The following MKX variants were observed in gnomAD, a reference collection of about 807,000 sequenced individuals.
The protein encoded by MKX is mohawk homeobox, also known as homeobox protein Mohawk.
Under a neutral mutation model 36.0 loss-of-function variants are expected in MKX, and 13 were observed. The observed-to-expected ratio is 0.36, with a 90% CI of 0.24 to 0.57. MKX has a LOEUF of 0.57. Ranked by LOEUF, MKX falls within the 20% of genes least tolerant of loss-of-function variation. The pLI is 0.79. For missense variants in MKX, 458 were observed against 456.4 expected, an observed-to-expected ratio of 1.00 and a Z score of -0.03; for synonymous variants, 176 against 178.3, an observed-to-expected ratio of 0.99 and a Z score of 0.10.
chr10:27,722,044 T>G (rs1227629622), intron 5 of MKX, among the ~76,000 whole-genome samples: 1 of 152,172 alleles, frequency 6.6e-6, no homozygotes, highest in Non-Finnish European at 1.5e-5. Flanking sequence ...ATATAACATG[T>G]ACTTAAAATA....
intron 5 of MKX, among the ~76,000 whole-genome samples, chr10:27,708,657 G>T (rs1050201642): frequency 1.3e-5 from 2 of 151,612 alleles, no homozygotes; most frequent in African/African-American, 4.9e-5. Context: ...TGAACCGGGA[G>T]GCAGAGGTTG....
chr10:27,732,559 T>C (rs1225751500), intron 5 of MKX, among the ~76,000 whole-genome samples: 1 of 152,168 alleles, frequency 6.6e-6, no homozygotes, highest in Admixed American at 6.5e-5. Flanking sequence ...TAATTTATTA[T>C]TGTTTTAAAA....
At chr10:27,700,447 G>A (rs1412892738) in intron 5 of MKX, among the ~76,000 whole-genome samples, 4 of 152,018 alleles carry the variant, frequency 2.6e-5, no homozygotes, top group South Asian at 2.1e-4. Flanking sequence ...TTACACTATC[G>A]GTAAAAATCA....
Position 27,734,723 on chromosome 10 carries a change from T to A in MKX, c.571A>T (p.Ile191Phe). 1 of 1,614,162 alleles carries A rather than the reference T, an allele frequency of 6.2e-7. No individual in the cohort carries two copies. Among genetic ancestry groups the A allele is most frequent in the Admixed American group, 1.7e-5 (1 of 60,006 alleles). The change falls in exon 5 of 7, where the codon ATT becomes TTT. Residue 191 changes from isoleucine to phenylalanine, a missense_variant. Ile to Phe is a conservative substitution (Grantham distance 21). Transcript: ENST00000419761. ...GYNTPVHHPV[I>F]KSENSVIKAG... Reference sequence around the variant, plus strand: ...TTGATGACCGAATTCTCACTTTTAATCACAGGATGGTGAACTGGGGTATTA... The same window carrying A: ...TTGATGACCGAATTCTCACTTTTAAACACAGGATGGTGAACTGGGGTATTA...
At chr10:27,681,418 C>A (rs1467134831) in intron 5 of MKX, among the ~76,000 whole-genome samples, 1 of 152,100 alleles carries the variant, frequency 6.6e-6, no homozygotes, top group Admixed American at 6.5e-5. Context: ...CATTGCACTC[C>A]AGCCTGGTGA....
chr10:27,676,858 G>T (rs1836162226), intron 5 of MKX, among the ~76,000 whole-genome samples: 1 of 152,172 alleles, frequency 6.6e-6, no homozygotes, highest in Admixed American at 6.5e-5. Flanking sequence ...GGAAATGAAA[G>T]TTAGGATGCT....
rs11015942 is a variant in MKX, at chr10:27,682,543, T to G, written c.839-6989A>C. On this transcript the variant is annotated intron_variant, in intron 5 of 6. Transcript: ENST00000419761. ...CCTTACACAAGTGCATCATTTTTTA[T>G]TTTTTACTAGCGGTCCTCAACCTTT... Among the ~76,000 whole-genome samples the G allele has an allele frequency of 0.025, 3,867 of 152,266 alleles. 290 individuals are homozygous for G. In the East Asian group the frequency reaches 0.26, roughly 10 times the overall value.
At chr10:27,710,679 G>A (rs1836835228) in intron 5 of MKX, among the ~76,000 whole-genome samples, 1 of 152,064 alleles carries the variant, frequency 6.6e-6, no homozygotes, top group African/African-American at 2.4e-5. Flanking sequence ...GATTGATTGA[G>A]ATAAAGTCTT....
intron 5 of MKX, among the ~76,000 whole-genome samples, chr10:27,691,741 T>G (rs1407563424): frequency 6.6e-6 from 1 of 152,194 alleles, no homozygotes; most frequent in Non-Finnish European, 1.5e-5. Flanking sequence ...TGCTTATGGT[T>G]TCCTTCTTTG....
rs1834893854 is a variant in MKX at position 27,741,475 on chromosome 10, T to C, written c.218A>G (p.His73Arg). Residue 73 changes from histidine (H) to arginine (R), a missense_variant, in exon 3 of 7, where the codon CAC becomes CGC. His to Arg is a conservative substitution (Grantham distance 29). Coordinates refer to ENST00000419761, the MANE Select transcript of MKX (RefSeq NM_173576.3). This position sits in a 1 kb window ranked among gnomAD's most constrained non-coding sequence, Gnocchi z 5.1. The stretch of plus-strand genomic sequence containing the variant: ...CATGTCTTGCAGGGCCTGCCGCTTG[T>C]GCCTCACCTTCCCGCCATTCTGCCG... The part of the protein sequence containing the change: ...GARQNGGKVR[H>R]KRQALQDMAR... 5 of 1,600,808 alleles carry C rather than the reference T, an allele frequency of 3.1e-6. No individual in the cohort carries two copies. The highest frequency in any genetic ancestry group is 4.3e-6 in the Non-Finnish European group (5 of 1,174,856).
At chr10:27,740,674 T>C (rs1589699536) in intron 3 of MKX, among the ~76,000 whole-genome samples, 1 of 152,134 alleles carries the variant, frequency 6.6e-6, no homozygotes, top group South Asian at 2.1e-4. Flanking sequence ...AACCCAACCA[T>C]CTGAAATCTG....
Position 27,675,228 on chromosome 10 carries a change from C to T in MKX, c.*1G>A. On this transcript the variant is annotated 3_prime_UTR_variant, in exon 7 of 7. Transcript: ENST00000419761. ...CATTGGATCTGAAAAGCAACAAGCT[C>T]TTAAAACTGCTGCACCAGCGGCACT... 6.2e-7 allele frequency: 1 copy of T among 1,613,170 alleles called. No individual in the cohort carries two copies. Among genetic ancestry groups the T allele is most frequent in the Non-Finnish European group, 8.5e-7 (1 of 1,179,504 alleles).
intron 5 of MKX, among the ~76,000 whole-genome samples, chr10:27,706,926 C>T (rs142158150): frequency 4.0e-5 from 6 of 151,818 alleles, no homozygotes; most frequent in African/African-American, 1.5e-4. Context: ...CTGTATGCAC[C>T]CTGTATTTCT....
At chr10:27,680,315 G>A (rs1399765371) in intron 5 of MKX, among the ~76,000 whole-genome samples, 3 of 149,374 alleles carry the variant, frequency 2.0e-5, no homozygotes, top group Non-Finnish European at 3.0e-5. Context: ...GGCAGGAACA[G>A]CTTACTGAAC....
At chr10:27,729,541 T>C (rs1348693928) in intron 5 of MKX, among the ~76,000 whole-genome samples, 1 of 151,920 alleles carries the variant, frequency 6.6e-6, no homozygotes, top group Admixed American at 6.6e-5. Context: ...TCCTGACCTC[T>C]GATGATCCAC....
chr10:27,717,847 C>T (rs1042336432), intron 5 of MKX, among the ~76,000 whole-genome samples: 4 of 152,196 alleles, frequency 2.6e-5, no homozygotes, highest in African/African-American at 9.7e-5. Context: ...AGGGAAAGAC[C>T]CATGCAGCAT....
rs11015973 is a variant in MKX, at chr10:27,726,449, T to C, written c.838+8007A>G. ...TTCTTAAGTCTCACCTCCAAAGTAG[T>C]AGTATGCTACTAGGTAAACAATAAA... is the stretch of plus-strand genomic sequence containing the variant. On this transcript the variant is annotated intron_variant, in intron 5 of 6. Transcript: ENST00000419761. 0.016 allele frequency among the ~76,000 whole-genome samples: 2,365 copies of C among 152,316 alleles called. 155 individuals are homozygous for C. The East Asian group carries it at 0.2, about 13-fold the overall frequency.
At chr10:27,675,607 C>T in intron 5 of MKX, 53 bp from the exon 6 acceptor site, 2 of 1,549,944 alleles carry the variant, frequency 1.3e-6, no homozygotes, top group Non-Finnish European at 8.8e-7. Flanking sequence ...TTTCTTTTCT[C>T]ATCTCAGGAG....
intron 5 of MKX, among the ~76,000 whole-genome samples, chr10:27,693,670 T>A (rs1294834139): frequency 3.3e-5 from 5 of 152,228 alleles, no homozygotes; most frequent in African/African-American, 1.2e-4. Context: ...AAGACACCTA[T>A]AAATAAAAAA....
Sources: allele counts gnomAD v4.1 joint callset (sites outside exome capture counted in the v4.1 genomes callset), GRCh38; gene constraint gnomAD v4.1.1; non-coding constraint Gnocchi (gnomAD v3.1); transcripts MANE v1.5; gene names NCBI Gene and HGNC (gene_info 2026-07-23, HGNC 2026-07-21).